The following SEMA6D variants were observed in gnomAD, a reference collection of about 807,000 sequenced individuals.
The protein encoded by SEMA6D is semaphorin 6D.
SEMA6D carries 35 observed loss-of-function variants against 106.6 expected under a neutral mutation model. The observed-to-expected ratio is 0.33, with a 90% CI of 0.25 to 0.44. The LOEUF is 0.44. Ranked by LOEUF, SEMA6D falls within the 20% of genes least tolerant of loss-of-function variation. SEMA6D has a pLI of 1.00. For missense variants in SEMA6D, 1,185 were observed against 1,345.9 expected (o/e 0.88, Z 1.87); for synonymous variants, 499 against 487.7 (o/e 1.02, Z -0.31).
At chr15:47,400,001 C>T (rs1169834680) in intron 1 of SEMA6D, among the ~76,000 whole-genome samples, 1 of 152,204 alleles carries the variant, frequency 6.6e-6, no homozygotes, top group Admixed American at 6.5e-5. Flanking sequence ...AGGTCATACA[C>T]TGAGTTGTGT....
intron 2 of SEMA6D, among the ~76,000 whole-genome samples, chr15:47,458,166 A>G (rs1267066095): frequency 6.6e-6 from 1 of 152,068 alleles, no homozygotes; most frequent in East Asian, 1.9e-4. Flanking sequence ...GAGCATATAT[A>G]AAAATACTCT....
chr15:47,216,840 A>C (rs1282946143), intron 1 of SEMA6D, among the ~76,000 whole-genome samples: 2 of 152,176 alleles, frequency 1.3e-5, no homozygotes, highest in Non-Finnish European at 2.9e-5. Flanking sequence ...GTTTGGCAAA[A>C]AAAATTAGAA....
At chr15:47,686,937 G>C (rs916946759) in intron 4 of SEMA6D, among the ~76,000 whole-genome samples, 4 of 151,724 alleles carry the variant, frequency 2.6e-5, no homozygotes, top group African/African-American at 9.7e-5. Context: ...GGGATGGCTT[G>C]TACCTGTAGT....
At chr15:47,217,566 GGTGTGTGTGTGT>G (rs146342466) in intron 1 of SEMA6D, among the ~76,000 whole-genome samples, 1 of 145,820 alleles carries the variant, frequency 6.9e-6, no homozygotes, top group Non-Finnish European at 1.5e-5. Context: ...CGCGTGCACG[GGTGTGTGTGTGT>G]GTGTGTGTGT....
At chr15:47,513,815 T>C (rs1610098) in intron 3 of SEMA6D, among the ~76,000 whole-genome samples, 70,695 of 152,096 alleles carry the variant, frequency 0.46, 17,920 homozygotes, top group East Asian at 0.85. Context: ...TCTATAACTT[T>C]TAAATTGTTT....
chr15:47,682,508 A>T (rs917723651), intron 4 of SEMA6D, among the ~76,000 whole-genome samples: 3 of 152,202 alleles, frequency 2.0e-5, no homozygotes, highest in Admixed American at 6.5e-5. Context: ...CAATGGTCAT[A>T]TCATTCTGAT....
chr15:47,581,520 A>G (rs913465866), intron 3 of SEMA6D, among the ~76,000 whole-genome samples: 1 of 152,236 alleles, frequency 6.6e-6, no homozygotes, highest in Non-Finnish European at 1.5e-5. Flanking sequence ...TTGAACTGAC[A>G]CCTGAATAAC....
intron 1 of SEMA6D, among the ~76,000 whole-genome samples, chr15:47,737,608 T>C (rs1168288528): frequency 6.6e-6 from 1 of 152,214 alleles, no homozygotes; most frequent in Non-Finnish European, 1.5e-5. Context: ...ATTACTGGTT[T>C]TCATTATTAT....
At chr15:47,372,616 C>G (rs1296029786) in intron 1 of SEMA6D, among the ~76,000 whole-genome samples, 2 of 152,212 alleles carry the variant, frequency 1.3e-5, no homozygotes, top group Non-Finnish European at 1.5e-5. Context: ...TTGGTACACT[C>G]TTTCCCATGA....
At chr15:47,318,941 C>T (rs570592398) in intron 1 of SEMA6D, among the ~76,000 whole-genome samples, 1 of 152,226 alleles carries the variant, frequency 6.6e-6, no homozygotes, top group Non-Finnish European at 1.5e-5. Context: ...TGTTTCCTGA[C>T]ATTTTAATGA....
intron 3 of SEMA6D, 126 bp downstream of exon 3, chr15:47,760,541 T>A: frequency 2.8e-6 from 2 of 702,002 alleles, no homozygotes; most frequent in Non-Finnish European, 4.8e-6. Context: ...GCCAGAAATA[T>A]TCACTGAGAA....
At chr15:47,322,107 C>T (rs888757213) in intron 1 of SEMA6D, among the ~76,000 whole-genome samples, 2 of 152,020 alleles carry the variant, frequency 1.3e-5, no homozygotes, top group African/African-American at 4.8e-5. Flanking sequence ...GCAATTTTCC[C>T]CCATTTTAAA....
intron 1 of SEMA6D, among the ~76,000 whole-genome samples, chr15:47,275,529 G>A (rs1443773123): frequency 6.6e-6 from 1 of 151,988 alleles, no homozygotes; most frequent in Non-Finnish European, 1.5e-5. Context: ...TTGTTTTGGT[G>A]ATCTGTAATC....
intron 2 of SEMA6D, among the ~76,000 whole-genome samples, chr15:47,452,694 T>A: frequency 6.6e-6 from 1 of 151,984 alleles, no homozygotes; most frequent in East Asian, 1.9e-4. Flanking sequence ...TGTGATTGAG[T>A]ATGAAAAACC....
chr15:47,737,637 A>G (rs1203847220), intron 1 of SEMA6D, among the ~76,000 whole-genome samples: 3 of 152,144 alleles, frequency 2.0e-5, no homozygotes, highest in African/African-American at 7.2e-5. Flanking sequence ...TGATTGCATC[A>G]TATTTCATGA....
At chr15:47,721,715 G>A (rs964650087) in intron 1 of SEMA6D, among the ~76,000 whole-genome samples, 2 of 152,088 alleles carry the variant, frequency 1.3e-5, no homozygotes, top group African/African-American at 4.8e-5. Context: ...ATGTAACCAA[G>A]GGCGATCAAA....
intron 1 of SEMA6D, among the ~76,000 whole-genome samples, chr15:47,363,445 A>T (rs1421044984): frequency 6.6e-6 from 1 of 152,214 alleles, no homozygotes; most frequent in African/African-American, 2.4e-5. Context: ...GAAGAATTTC[A>T]AGATGGTAAT....
chr15:47,320,538 C>A (rs1051752073), intron 1 of SEMA6D, among the ~76,000 whole-genome samples: 1 of 152,194 alleles, frequency 6.6e-6, no homozygotes, highest in African/African-American at 2.4e-5. Context: ...TGCCCTGGTC[C>A]TGTTAGCTTT....
At chr15:47,265,984 C>T (rs1307400033) in intron 1 of SEMA6D, among the ~76,000 whole-genome samples, 4 of 152,080 alleles carry the variant, frequency 2.6e-5, no homozygotes, top group Admixed American at 6.6e-5. Flanking sequence ...TACTTGCTGG[C>T]TGATTCTTCT....
Sources: allele counts gnomAD v4.1 joint callset (sites outside exome capture counted in the v4.1 genomes callset), GRCh38; gene constraint gnomAD v4.1.1; transcripts MANE v1.5; gene names NCBI Gene and HGNC (gene_info 2026-07-23, HGNC 2026-07-21).